Variants in IMMP2L observed in about 807,000 individuals in gnomAD.
IMMP2L encodes the protein mitochondrial inner membrane protease subunit 2.
Under a neutral mutation model 19.3 loss-of-function variants are expected in IMMP2L, and 18 were observed. The ratio of observed to expected loss-of-function variants is 0.93; its 90% CI spans 0.64 to 1.38. The LOEUF (loss-of-function observed/expected upper bound fraction) is 1.38. IMMP2L is among the 40% of genes most tolerant of loss of function. IMMP2L has a pLI of 0.00. For synonymous variants in IMMP2L, 76 were observed against 73.0 expected (o/e 1.04, Z -0.21); for missense variants, 233 against 218.2 (o/e 1.07, Z -0.43).
intron 3 of IMMP2L, among the ~76,000 whole-genome samples, chr7:111,059,540 C>T (rs999499229): frequency 2.6e-5 from 4 of 152,154 alleles, no homozygotes; most frequent in Non-Finnish European, 5.9e-5. Flanking sequence ...TAGACTAACA[C>T]TTCATGAGGG....
At chr7:111,452,435 C>G (rs1412726073) in intron 3 of IMMP2L, among the ~76,000 whole-genome samples, 2 of 152,090 alleles carry the variant, frequency 1.3e-5, no homozygotes, top group African/African-American at 4.8e-5. Flanking sequence ...GACTCAAATG[C>G]TACCAAAATC....
intron 3 of IMMP2L, among the ~76,000 whole-genome samples, chr7:111,009,069 T>G (rs904415078): frequency 6.6e-6 from 1 of 152,068 alleles, no homozygotes; most frequent in Non-Finnish European, 1.5e-5. Context: ...TTTACAATTT[T>G]GGGGGCTGTT....
Position 111,521,354 on chromosome 7 carries a change from G to C in IMMP2L, c.94C>G (p.Arg32Gly). The part of the protein sequence containing the change: ...AVPVAVTFLD[R>G]VACVARVEGA... ...TCTACTCTTGCCACACAGGCGACCCGATCCAAGAAAGTCACTGCCACAGGC... is the reference window on the plus strand; with the variant it reads ...TCTACTCTTGCCACACAGGCGACCCCATCCAAGAAAGTCACTGCCACAGGC... Residue 32 changes from arginine (R) to glycine (G), a missense_variant, in exon 2 of 6, where the codon CGG becomes GGG. Arg to Gly is a moderately radical substitution (Grantham distance 125, BLOSUM62 -2). Coordinates refer to ENST00000405709, the MANE Select transcript of IMMP2L (RefSeq NM_032549.4). 1 of 1,613,134 alleles carries C rather than the reference G, an allele frequency of 6.2e-7. No homozygotes were observed. The highest frequency in any genetic ancestry group is 8.5e-7 in the Non-Finnish European group (1 of 1,179,418).
intron 2 of IMMP2L, among the ~76,000 whole-genome samples, chr7:111,514,572 A>T (rs1457224949): frequency 6.6e-6 from 1 of 152,240 alleles, no homozygotes; most frequent in East Asian, 1.9e-4. Flanking sequence ...TTGCCAGTTT[A>T]CCTCAGTAAA....
chr7:110,882,942 T>A (rs928563951), intron 5 of IMMP2L, among the ~76,000 whole-genome samples: 4 of 152,102 alleles, frequency 2.6e-5, no homozygotes, highest in Non-Finnish European at 5.9e-5. Flanking sequence ...CCCATCAGGT[T>A]CCACAAGCCA....
chr7:110,665,331 T>G (rs1307560923), intron 5 of IMMP2L, among the ~76,000 whole-genome samples: 1 of 152,218 alleles, frequency 6.6e-6, no homozygotes, highest in Non-Finnish European at 1.5e-5. Context: ...TTGATAGTTG[T>G]TGACATCATG....
intron 3 of IMMP2L, among the ~76,000 whole-genome samples, chr7:111,303,929 A>G (rs1822545536): frequency 6.6e-6 from 1 of 152,122 alleles, no homozygotes; most frequent in Admixed American, 6.6e-5. Context: ...TACTCTGAAC[A>G]GAATAAAATA....
chr7:110,976,145 A>G (rs757469290), intron 3 of IMMP2L, among the ~76,000 whole-genome samples: 2 of 151,986 alleles, frequency 1.3e-5, no homozygotes, highest in African/African-American at 2.4e-5. Flanking sequence ...TTTGCTACAT[A>G]TTTGCTTATC....
chr7:110,964,917 C>T (rs6972608), intron 3 of IMMP2L, among the ~76,000 whole-genome samples: 2 of 151,748 alleles, frequency 1.3e-5, no homozygotes, highest in African/African-American at 2.4e-5. Flanking sequence ...CTTCAAAGCA[C>T]GTACTTAGTC....
At chr7:111,086,061 C>T (rs529055085) in intron 3 of IMMP2L, among the ~76,000 whole-genome samples, 2 of 151,910 alleles carry the variant, frequency 1.3e-5, no homozygotes, top group African/African-American at 2.4e-5. Flanking sequence ...CACAAAACCC[C>T]GCCCCATGCC....
At chr7:110,840,053 T>C (rs75828991) in intron 5 of IMMP2L, among the ~76,000 whole-genome samples, 17,818 of 152,054 alleles carry the variant, frequency 0.12, 1,289 homozygotes, top group South Asian at 0.29. Flanking sequence ...CGGCAGAACA[T>C]AGAGAATGAG....
intron 3 of IMMP2L, among the ~76,000 whole-genome samples, chr7:111,200,016 T>C (rs1271762862): frequency 2.0e-5 from 3 of 152,116 alleles, no homozygotes; most frequent in Non-Finnish European, 4.4e-5. Context: ...CCTTCACAAC[T>C]CTCAGGTTTC....
intron 3 of IMMP2L, among the ~76,000 whole-genome samples, chr7:111,079,210 C>T (rs1015611662): frequency 6.7e-6 from 1 of 149,726 alleles, no homozygotes; most frequent in Admixed American, 6.6e-5. Flanking sequence ...CTCCGCCTCC[C>T]GGGTTCACGC....
chr7:110,712,587 C>A lies in IMMP2L; in HGVS notation c.409-48866G>T, dbSNP rs9801147. On this transcript the variant is annotated intron_variant, in intron 5 of 5. Coordinates refer to ENST00000405709, the MANE Select transcript of IMMP2L (RefSeq NM_032549.4). Reference sequence around the variant, plus strand: ...TGTTTACCTAAGCAAGCCTGGGCAACGGCGGGCGCCCCTCCCCCAGCCTCG... The same window carrying A: ...TGTTTACCTAAGCAAGCCTGGGCAAAGGCGGGCGCCCCTCCCCCAGCCTCG... Among the ~76,000 whole-genome samples, 17 of 20,318 alleles carry A rather than the reference C, an allele frequency of 8.4e-4. 3 individuals carry two copies. The South Asian group carries it at 8.8e-3, about 11-fold the overall frequency. The allele number at this position is 20,318 out of a possible 152,430, so 13.3% of individuals were successfully genotyped here. A position where few individuals can be genotyped will look rare whatever the true frequency, so the allele number is the denominator to read the frequency against.
At chr7:110,799,013 G>A (rs1801060611) in intron 5 of IMMP2L, among the ~76,000 whole-genome samples, 1 of 151,854 alleles carries the variant, frequency 6.6e-6, no homozygotes, top group South Asian at 2.1e-4. Context: ...CTCAAATAAG[G>A]CATTTTATGT....
intron 5 of IMMP2L, among the ~76,000 whole-genome samples, chr7:110,733,427 C>T (rs575515748): frequency 5.3e-5 from 8 of 150,896 alleles, no homozygotes; most frequent in Admixed American, 3.3e-4. Context: ...TTGCAACACT[C>T]TACTTCACTG....
intron 5 of IMMP2L, among the ~76,000 whole-genome samples, chr7:110,686,519 C>T (rs1793127032): frequency 6.6e-6 from 1 of 152,000 alleles, no homozygotes; most frequent in East Asian, 1.9e-4. Flanking sequence ...CCTCAGTATA[C>T]AAACAAAATG....
intron 3 of IMMP2L, among the ~76,000 whole-genome samples, chr7:111,141,150 A>G (rs1463447868): frequency 1.3e-5 from 2 of 152,198 alleles, no homozygotes; most frequent in Non-Finnish European, 2.9e-5. Context: ...TGGAGAAAGC[A>G]AAAGAGAATC....
intron 3 of IMMP2L, among the ~76,000 whole-genome samples, chr7:111,310,399 G>C (rs1439118522): frequency 6.6e-6 from 1 of 151,892 alleles, no homozygotes; most frequent in Non-Finnish European, 1.5e-5. Context: ...GGGAAACGTA[G>C]GGAGACAAGA....
Sources: allele counts gnomAD v4.1 joint callset (sites outside exome capture counted in the v4.1 genomes callset), GRCh38; gene constraint gnomAD v4.1.1; transcripts MANE v1.5; gene names NCBI Gene and HGNC (gene_info 2026-07-23, HGNC 2026-07-21).